The following RIMBP2 variants were observed in gnomAD, a reference collection of about 807,000 sequenced individuals.
RIMBP2 encodes the protein RIMS-binding protein 2.
A neutral mutation model predicts 118.6 loss-of-function variants in RIMBP2; 48 were observed. The ratio of observed to expected loss-of-function variants is 0.40; its 90% confidence interval spans 0.32 to 0.51. The LOEUF (loss-of-function observed/expected upper bound fraction) is 0.51, where lower values mean the gene tolerates loss of function less well. Among genes scored for constraint, RIMBP2 ranks in the 20% least tolerant of loss-of-function variants. The probability of loss-of-function intolerance (pLI) is 0.41; values close to 1 mark genes in which losing one functional copy is unlikely to be tolerated. For missense variants in RIMBP2, 1,551 were observed against 1,768.3 expected (o/e 0.88, Z 2.20); for synonymous variants, 762 against 742.9 (o/e 1.03, Z -0.42).
chr12:130,589,079 C>T (rs1349747763), intron 2 of RIMBP2, among the ~76,000 whole-genome samples: 1 of 152,226 alleles, frequency 6.6e-6, no homozygotes, highest in East Asian at 1.9e-4. Context: ...ACTTGCTAAC[C>T]AGTAATTGAA....
At chr12:130,449,060 G>A (rs552027093) in intron 9 of RIMBP2, among the ~76,000 whole-genome samples, 6 of 99,070 alleles carry the variant, frequency 6.1e-5, no homozygotes, top group Non-Finnish European at 1.2e-4. Flanking sequence ...AACAGATCAC[G>A]GGACTCTGGC....
chr12:130,551,992 T>G (rs984218520), intron 2 of RIMBP2, among the ~76,000 whole-genome samples: 2 of 146,736 alleles, frequency 1.4e-5, no homozygotes, highest in African/African-American at 5.1e-5. Context: ...CCATGTTAAC[T>G]ACATGAATTG....
intron 4 of RIMBP2, among the ~76,000 whole-genome samples, chr12:130,487,954 T>C (rs77359571): frequency 4.6e-5 from 7 of 152,138 alleles, no homozygotes; most frequent in African/African-American, 1.7e-4. Flanking sequence ...TTGGTACCGT[T>C]CTAATTCCAT....
At chr12:130,589,464 G>T (rs922625358) in intron 2 of RIMBP2, among the ~76,000 whole-genome samples, 1 of 152,194 alleles carries the variant, frequency 6.6e-6, no homozygotes, top group East Asian at 1.9e-4. Context: ...CTCCCAGGAG[G>T]CTGCTTTGAA....
chr12:130,436,925 G>T lies in RIMBP2; in HGVS notation c.2023C>A (p.Gln675Lys). The T allele has an allele frequency of 1.9e-6, 3 of 1,603,364 alleles. No homozygotes were observed. The highest frequency in any genetic ancestry group is 2.6e-6 in the Non-Finnish European group (3 of 1,176,350). Residue 675 changes from glutamine (Q) to lysine (K), a missense_variant, in exon 13 of 23, where the codon CAG becomes AAG. Gln to Lys is a moderately conservative substitution (Grantham distance 53, BLOSUM62 1). Transcript: ENST00000690449. ...GTGGACACCGGGGTGCCCTGTGGCT[G>T]TGGCAGGATGCGGCTGGGTGAGGGC... ...RSPSPSRILPQPQGTPVSTTV... is the reference protein window; with the variant it reads ...RSPSPSRILPKPQGTPVSTTV...
Position 130,499,332 on chromosome 12 carries a change from T to A in RIMBP2, c.-4+7316A>T, listed in dbSNP as rs565191517. Among the ~76,000 whole-genome samples the A allele has an allele frequency of 7.2e-5, 11 of 152,348 alleles. No individual in the cohort carries two copies. In the East Asian group the frequency reaches 1.9e-3, roughly 27 times the overall value. On this transcript the variant is annotated intron_variant, in intron 4 of 22. Coordinates refer to ENST00000690449, the MANE Select transcript of RIMBP2 (RefSeq NM_001393629.1). ...TTGTGATACAGCAATAGCTAACTTG[T>A]ATACCTCTGTGCGGTCTCCCTGCAT...
chr12:130,715,612 G>C (rs550065240), intron 1 of RIMBP2, among the ~76,000 whole-genome samples: 1 of 152,208 alleles, frequency 6.6e-6, no homozygotes, highest in Non-Finnish European at 1.5e-5. Context: ...ACACTCTGCC[G>C]GGGAACATCT....
chr12:130,660,983 C>T (rs377213610), intron 1 of RIMBP2, among the ~76,000 whole-genome samples: 1 of 152,336 alleles, frequency 6.6e-6, no homozygotes, highest in South Asian at 2.1e-4. Flanking sequence ...CTTTGGGAGG[C>T]CAAGGCAGGA....
intron 1 of RIMBP2, among the ~76,000 whole-genome samples, chr12:130,650,767 G>A (rs1328648598): frequency 6.6e-6 from 1 of 152,092 alleles, no homozygotes; most frequent in African/African-American, 2.4e-5. Flanking sequence ...TTTTCTGGGG[G>A]GCAAAGTGGA....
intron 2 of RIMBP2, among the ~76,000 whole-genome samples, chr12:130,611,721 G>C (rs2060566730): frequency 6.6e-6 from 1 of 152,104 alleles, no homozygotes; most frequent in African/African-American, 2.4e-5. Flanking sequence ...CGGAGTCTTG[G>C]ATTCTGGTCT....
At chr12:130,547,420 G>A (rs2055286620) in intron 2 of RIMBP2, among the ~76,000 whole-genome samples, 1 of 152,218 alleles carries the variant, frequency 6.6e-6, no homozygotes, top group Non-Finnish European at 1.5e-5. Context: ...GAGCCCGAAG[G>A]CAGCCTGTTT....
At chr12:130,512,616 C>T (rs2051036554) in intron 3 of RIMBP2, among the ~76,000 whole-genome samples, 1 of 152,208 alleles carries the variant, frequency 6.6e-6, no homozygotes, top group African/African-American at 2.4e-5. Context: ...AGCCACCGCA[C>T]CCGGCCTGGG....
At chr12:130,535,738 C>CATATATATATATATAT (rs55887629) in intron 2 of RIMBP2, among the ~76,000 whole-genome samples, 3 of 66,738 alleles carry the variant, frequency 4.5e-5, no homozygotes, top group Admixed American at 2.0e-4. Context: ...CATATATATA[C>CATATATATATATATAT]ATATATATAT....
At chr12:130,414,586 C>T (rs962579150) in intron 17 of RIMBP2, 4 of 281,378 alleles carry the variant, frequency 1.4e-5, no homozygotes, top group Non-Finnish European at 2.7e-5. Context: ...CAGGCTGGGG[C>T]AGGGGCTGCG....
At chr12:130,587,094 G>A (rs2058938596) in intron 2 of RIMBP2, among the ~76,000 whole-genome samples, 1 of 146,032 alleles carries the variant, frequency 6.8e-6, no homozygotes, top group Non-Finnish European at 1.5e-5. Context: ...GTCATCACTG[G>A]CCATCAGAGA....
chr12:130,615,053 A>C (rs1338682681), intron 2 of RIMBP2, among the ~76,000 whole-genome samples: 1 of 148,514 alleles, frequency 6.7e-6, no homozygotes, highest in Non-Finnish European at 1.5e-5. Context: ...GTATAAATAC[A>C]CATGTATATT....
At chr12:130,553,891 C>T (rs1006091504) in intron 2 of RIMBP2, among the ~76,000 whole-genome samples, 4 of 152,170 alleles carry the variant, frequency 2.6e-5, no homozygotes, top group African/African-American at 9.7e-5. Flanking sequence ...AAATTCAGTT[C>T]GTTGGTGGTG....
rs757610009 is a variant in RIMBP2 at position 130,436,908 on chromosome 12, C to T, written c.2040G>A (p.Pro680=). 19 of 1,599,834 alleles carry T rather than the reference C, an allele frequency of 1.2e-5. No individual in the cohort carries two copies. Among genetic ancestry groups the T allele is most frequent in the East Asian group, 4.5e-5 (2 of 44,396 alleles). The change falls in exon 13 of 23, where the codon CCG becomes CCA. Residue 680 remains proline, a synonymous_variant. Coordinates refer to ENST00000690449, the MANE Select transcript of RIMBP2 (RefSeq NM_001393629.1). ...TGGCCTTGGCGACGGTGGTGGACACCGGGGTGCCCTGTGGCTGTGGCAGGA... is the reference window on the plus strand; with the variant it reads ...TGGCCTTGGCGACGGTGGTGGACACTGGGGTGCCCTGTGGCTGTGGCAGGA... ...SRILPQPQGT[P]VSTTVAKAMA...
In RIMBP2 at chr12:130,622,326, G is replaced by A. The variant is rs544784818; in HGVS notation, c.-217+5996C>T. ...GCCATCTCTGTGCCCACTGTTAACT[G>A]ACCCTCTTTCTTTAAATGGGCTTGT... On this transcript the variant is annotated intron_variant, in intron 2 of 22. Coordinates refer to ENST00000690449, the MANE Select transcript of RIMBP2 (RefSeq NM_001393629.1). This position sits in a 1 kb window ranked among gnomAD's most constrained non-coding sequence, Gnocchi z 8.5. Among the ~76,000 whole-genome samples, 1 of 152,202 alleles carries A rather than the reference G, an allele frequency of 6.6e-6. No homozygotes were observed. The highest frequency in any genetic ancestry group is 2.4e-5 in the African/African-American group (1 of 41,534).
Sources: gnomAD v4.1 joint callset for allele counts (sites outside exome capture counted in the v4.1 genomes callset) on GRCh38, gnomAD v4.1.1 for gene constraint, Gnocchi (gnomAD v3.1) non-coding constraint, MANE v1.5 for transcripts, NCBI Gene and HGNC (gene_info 2026-07-23, HGNC 2026-07-21) for gene names.